Variants in CSGALNACT2 observed in about 807,000 individuals in gnomAD.
CSGALNACT2 encodes chondroitin sulfate N-acetylgalactosaminyltransferase 2, also known as beta 4 GalNAcT-2.
A neutral mutation model predicts 55.3 loss-of-function variants in CSGALNACT2; 35 were observed. The ratio of observed to expected loss-of-function variants is 0.63; its 90% confidence interval spans 0.48 to 0.84. The LOEUF (loss-of-function observed/expected upper bound fraction) is 0.84, where lower values mean the gene tolerates loss of function less well. CSGALNACT2 is among the 40% of genes least tolerant of loss of function. The pLI is 0.00. For missense variants in CSGALNACT2, 544 were observed against 657.5 expected, an observed-to-expected ratio of 0.83 and a Z score of 1.89; for synonymous variants, 196 against 224.9, an observed-to-expected ratio of 0.87 and a Z score of 1.15.
intron 4 of CSGALNACT2, chr10:43,163,651 A>T: frequency 1.0e-6 from 1 of 985,372 alleles, no homozygotes; most frequent in African/African-American, 1.7e-5. Context: ...GGAGCCTCAT[A>T]CCACCAACAT....
intron 3 of CSGALNACT2, among the ~76,000 whole-genome samples, chr10:43,159,981 A>G (rs1258645415): frequency 6.6e-6 from 1 of 152,208 alleles, no homozygotes; most frequent in African/African-American, 2.4e-5. Flanking sequence ...TACTGTTCCA[A>G]ATAGCTCACT....
At chr10:43,183,171 A>G (rs1274753319) in intron 7 of CSGALNACT2, 79 bp from the exon 8 acceptor site, 2 of 1,126,420 alleles carry the variant, frequency 1.8e-6, no homozygotes, top group East Asian at 2.4e-5. Flanking sequence ...TTGAAGCAGA[A>G]CATTTAAAAT....
chr10:43,183,191 A>G, intron 7 of CSGALNACT2, 59 bp from the exon 8 acceptor site: 1 of 1,285,756 alleles, frequency 7.8e-7, no homozygotes, highest in Non-Finnish European at 1.1e-6. Flanking sequence ...TTTTATATAT[A>G]TCCCTGTGCT....
rs1235439907 is a variant in CSGALNACT2 at position 43,179,076 on chromosome 10, A to G, written c.1336+3044A>G. Among the ~76,000 whole-genome samples the G allele has an allele frequency of 4.6e-5, 7 of 152,096 alleles. No individual in the cohort carries two copies. The South Asian group carries it at 1.0e-3, about 23-fold the overall frequency. The stretch of plus-strand genomic sequence containing the variant: ...AATTTCTATGTGGTTCTTTTGATAT[A>G]TATATAATTTCTTTATTAATACTCT... On this transcript the variant is annotated intron_variant, in intron 7 of 7. Transcript: ENST00000374466.
At chr10:43,169,441 A>G (rs1409761113) in intron 6 of CSGALNACT2, among the ~76,000 whole-genome samples, 4 of 152,266 alleles carry the variant, frequency 2.6e-5, no homozygotes, top group Admixed American at 1.3e-4. Flanking sequence ...AAATTCATAA[A>G]ACAGGATTTG....
At chr10:43,158,084 C>T (rs1839057037) in intron 2 of CSGALNACT2, among the ~76,000 whole-genome samples, 1 of 150,406 alleles carries the variant, frequency 6.6e-6, no homozygotes, top group South Asian at 2.1e-4. Flanking sequence ...GCTTTTCTCT[C>T]AAAGGCATCT....
intron 1 of CSGALNACT2, among the ~76,000 whole-genome samples, chr10:43,149,696 C>G (rs1384348102): frequency 6.6e-6 from 1 of 152,076 alleles, no homozygotes; most frequent in Non-Finnish European, 1.5e-5. Context: ...TGATACTGAC[C>G]TTATAGAATG....
intron 1 of CSGALNACT2, among the ~76,000 whole-genome samples, chr10:43,139,787 TA>T (rs1282013995): frequency 6.6e-6 from 1 of 152,274 alleles, no homozygotes; most frequent in African/African-American, 2.4e-5. Flanking sequence ...ACACCCATGC[TA>T]TTTCATGGTA....
At chr10:43,142,914 T>G (rs140468104) in intron 1 of CSGALNACT2, among the ~76,000 whole-genome samples, 22 of 152,242 alleles carry the variant, frequency 1.4e-4, no homozygotes, top group Non-Finnish European at 2.9e-4. Flanking sequence ...TTGAGTCTAT[T>G]ACCACCACCA....
intron 1 of CSGALNACT2, among the ~76,000 whole-genome samples, chr10:43,146,628 G>A (rs1464233150): frequency 1.3e-5 from 2 of 152,164 alleles, no homozygotes; most frequent in East Asian, 3.9e-4. Flanking sequence ...TACTCGGGAA[G>A]CTGAGGCAGG....
chr10:43,159,310 T>TA (rs1454347100), intron 3 of CSGALNACT2, among the ~76,000 whole-genome samples: 3 of 152,054 alleles, frequency 2.0e-5, no homozygotes, highest in African/African-American at 4.8e-5. Flanking sequence ...TTTTTATTTT[T>TA]TTTTTTGAGA....
At position 43,149,338 on chromosome 10, in the gene CSGALNACT2, C is replaced by T. The variant is rs141430752; in HGVS notation, c.-253-5559C>T. 8.9e-3 allele frequency among the ~76,000 whole-genome samples: 1,361 copies of T among 152,256 alleles called. 14 individuals carry two copies. The highest frequency in any genetic ancestry group is 0.029 in the African/African-American group (1,224 of 41,538). ...CTGACCTCGTGGGATCTGCCCACCT[C>T]GGCCTTCCAAAGTGCTGGAATTACA... On this transcript the variant is annotated intron_variant, in intron 1 of 7. Transcript: ENST00000374466.
chr10:43,161,523 G>A (rs1355722100), intron 4 of CSGALNACT2, among the ~76,000 whole-genome samples: 1 of 152,154 alleles, frequency 6.6e-6, no homozygotes, highest in Non-Finnish European at 1.5e-5. Context: ...CCTGCCTACT[G>A]TGTTCCAGGT....
At chr10:43,163,561 C>CTATTTTTCCATTTGTG in intron 4 of CSGALNACT2, 8 of 985,352 alleles carry the variant, frequency 8.1e-6, no homozygotes, top group Non-Finnish European at 9.6e-6. Flanking sequence ...GACATTACAG[C>CTATTTTTCCATTTGTG]TATTTTTCCA....
chr10:43,164,088 C>T (rs2503865), intron 5 of CSGALNACT2, 44 bp downstream of exon 5: 1,141,569 of 1,525,516 alleles, frequency 0.75, 432,382 homozygotes, highest in African/African-American at 0.84. Flanking sequence ...GAATTTAGAA[C>T]GTTGTCAGCA....
At chr10:43,162,445 G>A in intron 4 of CSGALNACT2, 1 of 985,452 alleles carries the variant, frequency 1.0e-6, no homozygotes, top group Non-Finnish European at 1.2e-6. Context: ...GGCAGAGAGT[G>A]AGGGGTATTC....
chr10:43,147,367 T>TG (rs1283844222), intron 1 of CSGALNACT2, among the ~76,000 whole-genome samples: 4 of 152,190 alleles, frequency 2.6e-5, no homozygotes, highest in African/African-American at 9.7e-5. Flanking sequence ...TTGATCATTT[T>TG]AAAATATATT....
intron 7 of CSGALNACT2, among the ~76,000 whole-genome samples, chr10:43,183,030 A>T (rs1247403780): frequency 6.6e-6 from 1 of 152,050 alleles, no homozygotes; most frequent in African/African-American, 2.4e-5. Flanking sequence ...CCCCATTTTG[A>T]TACTGTCAAC....
chr10:43,183,576 A>G lies in CSGALNACT2; in HGVS notation c.*34A>G, dbSNP rs1187509651. The G allele has an allele frequency of 3.2e-6, 5 of 1,564,506 alleles. No individual in the cohort carries two copies. The highest frequency in any genetic ancestry group is 4.4e-6 in the Non-Finnish European group (5 of 1,137,334). On this transcript the variant is annotated 3_prime_UTR_variant, in exon 8 of 8. Transcript: ENST00000374466. ...TTAATGCGTTACTGTATGAACCACA[A>G]AACAGCACTATTTATTTAGCCTTAC...
Sources: gnomAD v4.1 joint callset for allele counts (sites outside exome capture counted in the v4.1 genomes callset) on GRCh38, gnomAD v4.1.1 for gene constraint, MANE v1.5 for transcripts, NCBI Gene and HGNC (gene_info 2026-07-23, HGNC 2026-07-21) for gene names.